The following PAFAH1B1 variants were observed in gnomAD, a reference collection of about 807,000 sequenced individuals.
The protein encoded by PAFAH1B1 is platelet-activating factor acetylhydrolase IB subunit beta.
Under a neutral mutation model 57.5 loss-of-function variants are expected in PAFAH1B1, and 2 were observed. That is an observed-to-expected ratio of 0.03 (90% CI 0.01 to 0.11). The LOEUF (loss-of-function observed/expected upper bound fraction) is 0.11. PAFAH1B1 is among the 10% of genes least tolerant of loss of function. The pLI is 1.00. For missense variants in PAFAH1B1, 257 were observed against 512.0 expected (o/e 0.50, Z 4.81); for synonymous variants, 152 against 169.6 (o/e 0.90, Z 0.81).
chr17:2,616,941 C>G (rs961044901), intron 1 of PAFAH1B1, among the ~76,000 whole-genome samples: 3 of 151,748 alleles, frequency 2.0e-5, no homozygotes, highest in Non-Finnish European at 4.4e-5. Context: ...GACCTGGTGG[C>G]GAGCGTCTGT....
At chr17:2,677,192 G>A (rs949713833) in intron 9 of PAFAH1B1, among the ~76,000 whole-genome samples, 1 of 152,090 alleles carries the variant, frequency 6.6e-6, no homozygotes, top group African/African-American at 2.4e-5. Flanking sequence ...TATCTCTTAC[G>A]GAGAAAAAGC....
intron 1 of PAFAH1B1, among the ~76,000 whole-genome samples, chr17:2,631,620 T>C (rs1028429986): frequency 1.3e-5 from 2 of 152,174 alleles, no homozygotes; most frequent in African/African-American, 2.4e-5. Context: ...TCAGCTTCTC[T>C]AGTGGGGGTG....
chr17:2,667,275 A>G (rs1294192239), intron 5 of PAFAH1B1, 77 bp downstream of exon 5: 2 of 1,080,930 alleles, frequency 1.9e-6, no homozygotes, highest in African/African-American at 1.6e-5. Flanking sequence ...CGGAGTTTGC[A>G]GTGAGCCGAG....
intron 2 of PAFAH1B1, among the ~76,000 whole-genome samples, chr17:2,645,696 C>A (rs1056645635): frequency 6.6e-6 from 1 of 151,186 alleles, no homozygotes; most frequent in African/African-American, 2.4e-5. Context: ...TCACTGCAAC[C>A]TCCACCTCTT....
At chr17:2,654,010 T>G (rs998873993) in intron 2 of PAFAH1B1, among the ~76,000 whole-genome samples, 6 of 151,564 alleles carry the variant, frequency 4.0e-5, no homozygotes, top group Admixed American at 3.9e-4. Flanking sequence ...GGTTTCACCA[T>G]GTTAGCCAGG....
At chr17:2,614,029 T>TTTG (rs2068305266) in intron 1 of PAFAH1B1, 1 of 143,388 alleles carries the variant, frequency 7.0e-6, no homozygotes, top group African/African-American at 2.7e-5. Context: ...GGGTTTTTTT[T>TTTG]TTTTTTTTTT....
At chr17:2,667,926 C>G (rs2069130022) in intron 5 of PAFAH1B1, among the ~76,000 whole-genome samples, 1 of 151,852 alleles carries the variant, frequency 6.6e-6, no homozygotes. Context: ...TATAAACCAC[C>G]TACAGAAAGA....
At chr17:2,609,520 T>C (rs2068242566) in intron 1 of PAFAH1B1, 1 of 149,140 alleles carries the variant, frequency 6.7e-6, no homozygotes, top group Non-Finnish European at 1.5e-5. Context: ...GAAATGAAGA[T>C]TTTTTTTTTT....
At chr17:2,606,943 G>C (rs1275943837) in intron 1 of PAFAH1B1, among the ~76,000 whole-genome samples, 1 of 147,396 alleles carries the variant, frequency 6.8e-6, no homozygotes, top group Non-Finnish European at 1.5e-5. Context: ...TCCTGCCTCA[G>C]CCTCCCTAGT....
chr17:2,625,673 C>A (rs529132941), intron 1 of PAFAH1B1, among the ~76,000 whole-genome samples: 1 of 152,188 alleles, frequency 6.6e-6, no homozygotes, highest in African/African-American at 2.4e-5. Context: ...TTCCTGTAAT[C>A]TCAGCACTTT....
intron 2 of PAFAH1B1, among the ~76,000 whole-genome samples, chr17:2,644,851 A>G (rs1206059999): frequency 6.6e-6 from 1 of 152,194 alleles, no homozygotes; most frequent in Non-Finnish European, 1.5e-5. Flanking sequence ...TTATGATATT[A>G]TGGCCCAAAA....
At chr17:2,606,368 T>C (rs2068204217) in intron 1 of PAFAH1B1, among the ~76,000 whole-genome samples, 1 of 152,098 alleles carries the variant, frequency 6.6e-6, no homozygotes. Flanking sequence ...GAGTTTTCTT[T>C]AATTTTTTTT....
intron 5 of PAFAH1B1, among the ~76,000 whole-genome samples, chr17:2,668,047 G>A (rs2069131734): frequency 1.3e-5 from 2 of 151,904 alleles, no homozygotes; most frequent in South Asian, 2.1e-4. Context: ...CCAATCGGCC[G>A]GGCACGGTGG....
intron 1 of PAFAH1B1, among the ~76,000 whole-genome samples, chr17:2,595,338 G>T (rs1176111786): frequency 6.6e-6 from 1 of 151,760 alleles, no homozygotes; most frequent in South Asian, 2.1e-4. Context: ...ATTTCTTTTC[G>T]AGGCTAGGGC....
intron 1 of PAFAH1B1, among the ~76,000 whole-genome samples, chr17:2,604,316 G>C (rs542103553): frequency 6.6e-6 from 1 of 152,262 alleles, no homozygotes; most frequent in South Asian, 2.1e-4. Context: ...GAGGTTACAG[G>C]TGTGAGCCAC....
At chr17:2,644,546 A>AAAAT (rs1037327995) in intron 2 of PAFAH1B1, among the ~76,000 whole-genome samples, 3 of 152,132 alleles carry the variant, frequency 2.0e-5, no homozygotes, top group South Asian at 2.1e-4. Context: ...TCCATCTCAA[A>AAAAT]AAATAAATAA....
chr17:2,650,445 G>C (rs1448696263), intron 2 of PAFAH1B1, among the ~76,000 whole-genome samples: 1 of 151,672 alleles, frequency 6.6e-6, no homozygotes, highest in Non-Finnish European at 1.5e-5. Flanking sequence ...CCGGGAGCTG[G>C]AGGTTGCAGT....
At chr17:2,604,380 T>C (rs1338942862) in intron 1 of PAFAH1B1, among the ~76,000 whole-genome samples, 2 of 152,194 alleles carry the variant, frequency 1.3e-5, no homozygotes, top group Non-Finnish European at 2.9e-5. Flanking sequence ...AAAATCAGTG[T>C]ACTTGGTATT....
chr17:2,621,270 A>T (rs573417010), intron 1 of PAFAH1B1, among the ~76,000 whole-genome samples: 3 of 151,914 alleles, frequency 2.0e-5, no homozygotes, highest in Non-Finnish European at 2.9e-5. Context: ...GTTTCCCTCT[A>T]TGTGTCCACA....
Sources: allele counts gnomAD v4.1 joint callset (sites outside exome capture counted in the v4.1 genomes callset), GRCh38; gene constraint gnomAD v4.1.1; transcripts MANE v1.5; gene names NCBI Gene and HGNC (gene_info 2026-07-23, HGNC 2026-07-21).